SLC9C1: variants seen among roughly 807,000 people sequenced by gnomAD.
SLC9C1 encodes the protein sodium/hydrogen exchanger 10.
A neutral mutation model predicts 140.9 loss-of-function variants in SLC9C1; 97 were observed. The observed-to-expected ratio is 0.69, with a 90% CI of 0.58 to 0.82. SLC9C1 has a LOEUF of 0.82. Among genes scored for constraint, SLC9C1 ranks in the 40% least tolerant of loss-of-function variants. The probability of loss-of-function intolerance (pLI) is 0.00; values close to 1 mark genes in which losing one functional copy is unlikely to be tolerated. For missense variants in SLC9C1, 1,340 were observed against 1,389.3 expected, an observed-to-expected ratio of 0.96 and a Z score of 0.56; for synonymous variants, 440 against 442.6, an observed-to-expected ratio of 0.99 and a Z score of 0.07.
chr3:112,228,365 C>A (rs1297617581), intron 13 of SLC9C1, among the ~76,000 whole-genome samples: 1 of 151,998 alleles, frequency 6.6e-6, no homozygotes, highest in Non-Finnish European at 1.5e-5. Flanking sequence ...GAAACTAAAC[C>A]CTTGTCTCTC....
chr3:112,261,952 C>A (rs964283498), intron 10 of SLC9C1, among the ~76,000 whole-genome samples: 5 of 151,976 alleles, frequency 3.3e-5, no homozygotes, highest in African/African-American at 1.2e-4. Context: ...CAGAAATGGG[C>A]AAATACTACA....
Position 112,204,098 on chromosome 3 carries a change from A to G in SLC9C1, c.2172+120T>C, listed in dbSNP as rs112939025. ...AATTTGCCAAAGGAAGCTAAAATTT[A>G]AAATATAAACATTAACCCAACAGAA... is the stretch of plus-strand genomic sequence containing the variant. On this transcript the variant is annotated intron_variant, in intron 17 of 28. Coordinates refer to ENST00000305815, the MANE Select transcript of SLC9C1 (RefSeq NM_183061.3). 9 of 1,118,530 alleles carry G rather than the reference A, an allele frequency of 8.0e-6. No homozygotes were observed. The African/African-American group carries it at 1.1e-4, about 14-fold the overall frequency. The allele number at this position is 1,118,530 out of a possible 1,614,324, so 69.3% of individuals were successfully genotyped here.
chr3:112,258,231 CACAT>C (rs760090232), intron 10 of SLC9C1, among the ~76,000 whole-genome samples: 26 of 152,148 alleles, frequency 1.7e-4, no homozygotes, highest in Admixed American at 2.6e-4. Flanking sequence ...ACCATAAAGA[CACAT>C]GCATGCCTAT....
At chr3:112,274,433 A>G (rs1357768089) in intron 6 of SLC9C1, among the ~76,000 whole-genome samples, 1 of 152,140 alleles carries the variant, frequency 6.6e-6, no homozygotes, top group African/African-American at 2.4e-5. Context: ...GCTTACAAGC[A>G]CTATTCTCTG....
chr3:112,193,178 A>T (rs1223528592), intron 20 of SLC9C1, among the ~76,000 whole-genome samples: 3 of 152,196 alleles, frequency 2.0e-5, no homozygotes, highest in Non-Finnish European at 4.4e-5. Flanking sequence ...TTTGCCAGGT[A>T]TAGACTTGCC....
In SLC9C1 at chr3:112,286,803, AT is replaced by A. The variant is rs759073580; in HGVS notation, c.-13del. On this transcript the variant is annotated 5_prime_UTR_variant, in exon 2 of 29. Coordinates refer to ENST00000305815, the MANE Select transcript of SLC9C1 (RefSeq NM_183061.3). ...AATATTCCAGCCATGTTTCAGAAAA[AT>A]TTTTATGCAGATTTATGTTAGAAGC... 7.5e-6 allele frequency: 12 copies of A among 1,599,950 alleles called. No individual in the cohort carries two copies. The highest frequency in any genetic ancestry group is 9.4e-6 in the Non-Finnish European group (11 of 1,169,748).
At chr3:112,274,556 A>G (rs2080163380) in intron 6 of SLC9C1, among the ~76,000 whole-genome samples, 1 of 152,082 alleles carries the variant, frequency 6.6e-6, no homozygotes, top group African/African-American at 2.4e-5. Context: ...TCCTCTCACT[A>G]CTAGTGGATG....
intron 8 of SLC9C1, among the ~76,000 whole-genome samples, chr3:112,264,554 A>G (rs1319276186): frequency 1.3e-5 from 2 of 151,976 alleles, no homozygotes; most frequent in East Asian, 1.9e-4. Context: ...AATTGAAAAT[A>G]TGAGATGGGT....
chr3:112,231,365 T>A lies in SLC9C1; in HGVS notation c.1568A>T (p.Gln523Leu), dbSNP rs1211768017. Residue 523 changes from glutamine (Q) to leucine (L), a missense_variant, in exon 13 of 29, where the codon CAA (glutamine) becomes CTA (leucine). Gln to Leu is a moderately radical substitution (Grantham distance 113, BLOSUM62 -2). Coordinates refer to ENST00000305815, the MANE Select transcript of SLC9C1 (RefSeq NM_183061.3). ...CAAAAGAGAATAATACAGTACTATT[T>A]GTGCTGACAAGAGACGCCTGTTGGC... ...ELANRRLLSA[Q>L]IASYQRQYRN... The A allele has an allele frequency of 1.2e-6, 2 of 1,613,252 alleles. No individual in the cohort carries two copies. Among genetic ancestry groups the A allele is most frequent in the Non-Finnish European group, 1.7e-6 (2 of 1,179,592 alleles).
chr3:112,218,008 C>G (rs559425655), intron 14 of SLC9C1, among the ~76,000 whole-genome samples: 101 of 152,264 alleles, frequency 6.6e-4, no homozygotes, highest in Middle Eastern at 3.4e-3. Context: ...GCATCCAACT[C>G]ATATCACACA....
At chr3:112,225,741 C>G (rs773972828) in intron 13 of SLC9C1, among the ~76,000 whole-genome samples, 3 of 127,036 alleles carry the variant, frequency 2.4e-5, no homozygotes, top group Non-Finnish European at 3.3e-5. Context: ...ATATTTCTGG[C>G]AAACAGAACC....
At chr3:112,213,096 C>T (rs1268555175) in intron 15 of SLC9C1, among the ~76,000 whole-genome samples, 5 of 152,140 alleles carry the variant, frequency 3.3e-5, no homozygotes, top group Admixed American at 2.0e-4. Flanking sequence ...ATTTCATGTC[C>T]AGCCAAACTA....
intron 13 of SLC9C1, among the ~76,000 whole-genome samples, chr3:112,225,867 C>G (rs1307581290): frequency 5.9e-5 from 9 of 152,144 alleles, no homozygotes; most frequent in African/African-American, 1.4e-4. Context: ...GGGATCAAAT[C>G]AGCAAAAGGA....
At chr3:112,290,524 T>C (rs2080648543) in intron 1 of SLC9C1, among the ~76,000 whole-genome samples, 1 of 152,240 alleles carries the variant, frequency 6.6e-6, no homozygotes, top group Admixed American at 6.5e-5. Flanking sequence ...GAAGAATGTA[T>C]ACTCTTTTGT....
intron 20 of SLC9C1, among the ~76,000 whole-genome samples, chr3:112,184,635 C>CA (rs1219452090): frequency 6.6e-6 from 1 of 152,218 alleles, no homozygotes; most frequent in African/African-American, 2.4e-5. Context: ...GACTCCATCT[C>CA]AAAAACAAAC....
chr3:112,244,895 C>T (rs1328587703), intron 10 of SLC9C1, among the ~76,000 whole-genome samples: 1 of 152,162 alleles, frequency 6.6e-6, no homozygotes, highest in Non-Finnish European at 1.5e-5. Flanking sequence ...ATATTCTGAT[C>T]TAATTCGTCA....
chr3:112,262,021 C>A (rs2079786972), intron 10 of SLC9C1, among the ~76,000 whole-genome samples: 1 of 151,986 alleles, frequency 6.6e-6, no homozygotes, highest in Non-Finnish European at 1.5e-5. Flanking sequence ...TACCAGCAAA[C>A]CATTGATACT....
chr3:112,255,810 A>G (rs2079590236), intron 10 of SLC9C1, among the ~76,000 whole-genome samples: 1 of 152,078 alleles, frequency 6.6e-6, no homozygotes, highest in Non-Finnish European at 1.5e-5. Context: ...TTTATTTATG[A>G]AAAAATTAAT....
intron 12 of SLC9C1, among the ~76,000 whole-genome samples, chr3:112,236,173 T>C (rs994819252): frequency 6.6e-6 from 1 of 152,140 alleles, no homozygotes; most frequent in Non-Finnish European, 1.5e-5. Flanking sequence ...TTAAGAGATT[T>C]AACTTCTTCC....
Sources: gnomAD v4.1 joint callset for allele counts (sites outside exome capture counted in the v4.1 genomes callset) on GRCh38, gnomAD v4.1.1 for gene constraint, MANE v1.5 for transcripts, NCBI Gene and HGNC (gene_info 2026-07-23, HGNC 2026-07-21) for gene names.